The following NDUFV3 variants were observed in gnomAD, a reference collection of about 807,000 sequenced individuals.
The protein encoded by NDUFV3 is NADH dehydrogenase [ubiquinone] flavoprotein 3, mitochondrial.
Under a neutral mutation model 37.5 loss-of-function variants are expected in NDUFV3, and 44 were observed. The observed-to-expected ratio is 1.17, with a 90% CI of 0.92 to 1.51. The LOEUF is 1.51. NDUFV3 is among the 40% of genes most tolerant of loss of function. The probability of loss-of-function intolerance (pLI) is 0.00; values close to 1 mark genes in which losing one functional copy is unlikely to be tolerated. For missense variants in NDUFV3, 580 were observed against 580.4 expected (o/e 1.00, Z 0.01); for synonymous variants, 235 against 239.3 (o/e 0.98, Z 0.17).
At position 42,894,329 on chromosome 21, in the gene NDUFV3, A is replaced by ATTATTATT. The variant is rs2058672252; in HGVS notation, c.48+948_48+949insTTATTATT. On this transcript the variant is annotated intron_variant, in intron 1 of 3. Transcript: ENST00000354250. ...CGTGTGTGTATATATATATATAAAT[A>ATTATTATT]CATATTATATATATTATATATAAAT... 7.8e-5 allele frequency among the ~76,000 whole-genome samples: 4 copies of ATTATTATT among 51,292 alleles called. 1 individual carries two copies. Among genetic ancestry groups the ATTATTATT allele is most frequent in the African/African-American group, 1.2e-4 (1 of 8,396 alleles). 33.6% of individuals were successfully genotyped at this position (51,292 alleles called of 152,430 possible).
chr21:42,895,784 T>TA (rs2058687782), intron 1 of NDUFV3, among the ~76,000 whole-genome samples: 1 of 152,126 alleles, frequency 6.6e-6, no homozygotes, highest in South Asian at 2.1e-4. Context: ...TTAATAGTGA[T>TA]TGTCCTTGAA....
rs1361485039 is a variant in NDUFV3 at position 42,897,715 on chromosome 21, T to C, written c.169+668T>C. Among the ~76,000 whole-genome samples, 7 of 151,242 alleles carry C rather than the reference T, an allele frequency of 4.6e-5. No individual in the cohort carries two copies. The East Asian group carries it at 5.9e-4, about 13-fold the overall frequency. ...TTTTTGAGATGGAGTCCTGCTCTGT[T>C]GCCCCTGCTGGAGTGCAGTGGCGCA... On this transcript the variant is annotated intron_variant, in intron 2 of 3. Coordinates refer to ENST00000354250, the MANE Select transcript of NDUFV3 (RefSeq NM_021075.4).
At chr21:42,906,194 A>G (rs1022292557) in intron 3 of NDUFV3, among the ~76,000 whole-genome samples, 4 of 152,150 alleles carry the variant, frequency 2.6e-5, no homozygotes, top group Non-Finnish European at 4.4e-5. Flanking sequence ...ACGAAACTTG[A>G]TAAGATGCAA....
chr21:42,906,858 G>A (rs189995039), intron 3 of NDUFV3: 30 of 518,948 alleles, frequency 5.8e-5, no homozygotes, highest in East Asian at 1.6e-4. Context: ...ACACCACACC[G>A]AAGATACTCA....
chr21:42,896,001 C>T (rs2008193), intron 1 of NDUFV3, among the ~76,000 whole-genome samples: 84,050 of 137,806 alleles, frequency 0.61, 25,571 homozygotes, highest in African/African-American at 0.71. Flanking sequence ...TTTTTTTTTT[C>T]CTGAGACAGT....
At chr21:42,896,419 G>A (rs1008470941) in intron 1 of NDUFV3, among the ~76,000 whole-genome samples, 4 of 151,976 alleles carry the variant, frequency 2.6e-5, no homozygotes, top group African/African-American at 7.2e-5. Context: ...GCCTCCCAAA[G>A]TGCTAGGATT....
At position 42,905,504 on chromosome 21, in the gene NDUFV3, T is replaced by TTTTG. The variant is rs201425165; in HGVS notation, c.1264+1252_1264+1255dup. ...TCTAGAAGACATTTTATGAAGGGTT[T>TTTTG]TTTGTTTGTTTGTTTGTTTGTTTGT... On this transcript the variant is annotated intron_variant, in intron 3 of 3. Transcript: ENST00000354250. Among the ~76,000 whole-genome samples the TTTTG allele has an allele frequency of 5.5e-3, 842 of 152,168 alleles. 6 individuals carry two copies. Among genetic ancestry groups the TTTTG allele is most frequent in the East Asian group, 0.038 (197 of 5,166 alleles).
intron 2 of NDUFV3, among the ~76,000 whole-genome samples, chr21:42,901,454 AC>A (rs1301981438): frequency 2.0e-5 from 3 of 151,500 alleles, no homozygotes; most frequent in Non-Finnish European, 4.4e-5. Flanking sequence ...AAAAAAAATT[AC>A]CCAGGCGTGG....
intron 2 of NDUFV3, among the ~76,000 whole-genome samples, chr21:42,898,184 T>C (rs534156491): frequency 1.3e-5 from 2 of 152,224 alleles, no homozygotes; most frequent in African/African-American, 2.4e-5. Context: ...CCTCTCACAG[T>C]GTGTGGACTT....
chr21:42,903,135 T>C (rs1239743081), intron 2 of NDUFV3, 47 bp from the exon 3 acceptor site: 1 of 1,611,926 alleles, frequency 6.2e-7, no homozygotes, highest in East Asian at 2.2e-5. Flanking sequence ...TTGACTGAGT[T>C]TTAAGTTGTT....
In NDUFV3 at chr21:42,897,876, C is replaced by T. The variant is rs1601215614; in HGVS notation, c.169+829C>T. 7.2e-5 allele frequency among the ~76,000 whole-genome samples: 11 copies of T among 152,026 alleles called. 1 individual carries two copies. Among genetic ancestry groups the T allele is most frequent in the African/African-American group, 2.4e-5 (1 of 41,436 alleles). The stretch of plus-strand genomic sequence containing the variant: ...CATTTTTAGTAGAGGTGGGGTTTCA[C>T]CATGTTAGCCGGGATGGTCTTGATC... On this transcript the variant is annotated intron_variant, in intron 2 of 3. Transcript: ENST00000354250.
chr21:42,895,843 T>C (rs2058688041), intron 1 of NDUFV3, among the ~76,000 whole-genome samples: 1 of 152,126 alleles, frequency 6.6e-6, no homozygotes, highest in South Asian at 2.1e-4. Flanking sequence ...AAAATGTCCA[T>C]AATATACATA....
chr21:42,908,995 T>C lies in NDUFV3; in HGVS notation c.1396T>C (p.Ser466Pro), dbSNP rs2058755369. ...AAAATTCAGGATGCCTCAGCCCTCCTCAGGCCGGGAGTCACCTCGACACTG... is the reference window on the plus strand; with the variant it reads ...AAAATTCAGGATGCCTCAGCCCTCCCCAGGCCGGGAGTCACCTCGACACTG... ...LSKFRMPQPS[S>P]GRESPRH The change falls in exon 4 of 4, where the codon TCA (serine) becomes CCA (proline). Residue 466 changes from serine to proline, a missense_variant. Coordinates refer to ENST00000354250, the MANE Select transcript of NDUFV3 (RefSeq NM_021075.4). The C allele has an allele frequency of 6.2e-7, 1 of 1,613,928 alleles. No homozygotes were observed. Among genetic ancestry groups the C allele is most frequent in the Non-Finnish European group, 8.5e-7 (1 of 1,180,002 alleles).
Position 42,909,093 on chromosome 21 carries a change from A to G in NDUFV3, c.*72A>G, listed in dbSNP as rs913025814. On this transcript the variant is annotated 3_prime_UTR_variant, in exon 4 of 4. Coordinates refer to ENST00000354250, the MANE Select transcript of NDUFV3 (RefSeq NM_021075.4). ...TGGAGTGCAAAAATAAAATCCACTC[A>G]AGAGTCACAAGGCCCGCTGTGCATA... 1.1e-5 allele frequency: 16 copies of G among 1,498,660 alleles called. No individual in the cohort carries two copies. The African/African-American group carries it at 1.5e-4, about 14-fold the overall frequency. The allele number at this position is 1,498,660 out of a possible 1,614,324, so 92.8% of individuals were successfully genotyped here. A position where few individuals can be genotyped will look rare whatever the true frequency, so the allele number is the denominator to read the frequency against.
At chr21:42,893,492 TC>T in intron 1 of NDUFV3, 111 bp downstream of exon 1, 2 of 1,279,798 alleles carry the variant, frequency 1.6e-6, no homozygotes, top group Non-Finnish European at 2.2e-6. Flanking sequence ...CCTCTAGCCG[TC>T]CTAGTTGGGC....
At chr21:42,899,317 T>A (rs1298524734) in intron 2 of NDUFV3, among the ~76,000 whole-genome samples, 2 of 118,806 alleles carry the variant, frequency 1.7e-5, no homozygotes, top group African/African-American at 7.5e-5. Context: ...ATGCCCAGGC[T>A]GGAGTGCAAT....
At chr21:42,897,869 G>A (rs1321872590) in intron 2 of NDUFV3, among the ~76,000 whole-genome samples, 3 of 151,208 alleles carry the variant, frequency 2.0e-5, no homozygotes, top group Non-Finnish European at 4.4e-5. Flanking sequence ...GTAGAGGTGG[G>A]GTTTCACCAT....
rs143123931 is a variant in NDUFV3 at position 42,907,690 on chromosome 21, A to G, written c.1265-1174A>G. Among the ~76,000 whole-genome samples, 1,395 of 152,092 alleles carry G rather than the reference A, an allele frequency of 9.2e-3. 6 individuals carry two copies. The highest frequency in any genetic ancestry group is 0.02 in the Middle Eastern group (6 of 294). The stretch of plus-strand genomic sequence containing the variant: ...GCTCTCAAACTCCTGGCCTCAAGCA[A>G]TCTGCCCGCCTCAGCCTCTCAAAGT... On this transcript the variant is annotated intron_variant, in intron 3 of 3. Coordinates refer to ENST00000354250, the MANE Select transcript of NDUFV3 (RefSeq NM_021075.4).
intron 2 of NDUFV3, among the ~76,000 whole-genome samples, chr21:42,902,866 C>G (rs1288102274): frequency 1.3e-5 from 2 of 152,160 alleles, no homozygotes; most frequent in African/African-American, 4.8e-5. Context: ...TAAGTACATC[C>G]TCCTGTATAC....
Sources: allele counts gnomAD v4.1 joint callset (sites outside exome capture counted in the v4.1 genomes callset), GRCh38; gene constraint gnomAD v4.1.1; transcripts MANE v1.5; gene names NCBI Gene and HGNC (gene_info 2026-07-23, HGNC 2026-07-21).